Variants in NWD2 observed in about 807,000 individuals in gnomAD.
The protein encoded by NWD2 is NACHT and WD repeat domain-containing protein 2.
A neutral mutation model predicts 132.7 loss-of-function variants in NWD2; 37 were observed. The observed-to-expected ratio is 0.28, with a 90% confidence interval of 0.21 to 0.37. The LOEUF is 0.37. NWD2 is among the 10% of genes least tolerant of loss of function. NWD2 has a pLI of 1.00. For missense variants in NWD2, 1,592 were observed against 2,122.4 expected (o/e 0.75, Z 4.91); for synonymous variants, 705 against 803.0 (o/e 0.88, Z 2.06).
At chr4:37,424,022 T>C (rs984162678) in intron 3 of NWD2, among the ~76,000 whole-genome samples, 11 of 152,166 alleles carry the variant, frequency 7.2e-5, no homozygotes, top group African/African-American at 2.7e-4. Context: ...TCAGGTGGTC[T>C]CACTCCACAG....
At chr4:37,345,799 T>C (rs1182467949) in intron 2 of NWD2, among the ~76,000 whole-genome samples, 2 of 152,146 alleles carry the variant, frequency 1.3e-5, no homozygotes, top group African/African-American at 4.8e-5. Flanking sequence ...GATTTACTCC[T>C]GGCCTGGTGC....
In NWD2 at chr4:37,445,371, G is replaced by C; in HGVS notation, c.3383G>C (p.Gly1128Ala). 1 of 1,552,156 alleles carries C rather than the reference G, an allele frequency of 6.4e-7. No individual in the cohort carries two copies. The highest frequency in any genetic ancestry group is 8.7e-7 in the Non-Finnish European group (1 of 1,147,096). Residue 1128 changes from glycine to alanine, a missense_variant, in exon 7 of 7, where the codon GGG (glycine) becomes GCG (alanine). Physicochemically the swap from Gly to Ala is moderately conservative, Grantham distance 60. This residue lies in a region of NWD2 where 1,071 missense variants were observed against 1,398.0 expected (regional missense o/e 0.77). Transcript: ENST00000309447. The surrounding 1 kb of genome is among the most constrained non-coding windows in gnomAD (Gnocchi z 4.7). ...YLNTTTIFHL[G>A]SGEKLCTVTS... ...AACACAACCACCATATTTCATTTAG[G>C]GAGTGGAGAAAAGTTATGTACAGTG...
chr4:37,318,151 A>G (rs1450261208), intron 1 of NWD2, among the ~76,000 whole-genome samples: 1 of 151,474 alleles, frequency 6.6e-6, no homozygotes, highest in Non-Finnish European at 1.5e-5. Context: ...TCAGCCTCCA[A>G]ATAGCTGGGA....
At chr4:37,357,652 T>C (rs1247793857) in intron 3 of NWD2, among the ~76,000 whole-genome samples, 7 of 151,998 alleles carry the variant, frequency 4.6e-5, no homozygotes, top group African/African-American at 1.7e-4. Flanking sequence ...GAAGATAAAA[T>C]TTTTTGCTTT....
chr4:37,274,766 G>A (rs1035229308), intron 1 of NWD2, among the ~76,000 whole-genome samples: 4 of 152,070 alleles, frequency 2.6e-5, no homozygotes, highest in African/African-American at 9.7e-5. Context: ...GGGATGCAAG[G>A]CTGGTTCAAC....
chr4:37,371,877 AT>A (rs1720235245), intron 3 of NWD2, among the ~76,000 whole-genome samples: 1 of 152,172 alleles, frequency 6.6e-6, no homozygotes, highest in East Asian at 1.9e-4. Context: ...ATATTTTAAC[AT>A]TTTTTTCTAG....
intron 1 of NWD2, among the ~76,000 whole-genome samples, chr4:37,246,198 A>G (rs1717241953): frequency 6.6e-6 from 1 of 152,202 alleles, no homozygotes; most frequent in Non-Finnish European, 1.5e-5. Flanking sequence ...CTTGAGTCGA[A>G]AAGAGTCGAG....
chr4:37,386,755 G>A (rs940748885), intron 3 of NWD2, among the ~76,000 whole-genome samples: 3 of 152,036 alleles, frequency 2.0e-5, no homozygotes, highest in Non-Finnish European at 2.9e-5. Flanking sequence ...GGACCTAGTG[G>A]GAGGTGTTCA....
At chr4:37,277,239 A>G (rs894681210) in intron 1 of NWD2, among the ~76,000 whole-genome samples, 4 of 151,544 alleles carry the variant, frequency 2.6e-5, no homozygotes, top group African/African-American at 9.7e-5. Context: ...CCAGAGTTTT[A>G]CTATGACATG....
intron 3 of NWD2, among the ~76,000 whole-genome samples, chr4:37,397,331 A>G (rs562303908): frequency 1.3e-5 from 2 of 152,248 alleles, no homozygotes; most frequent in Non-Finnish European, 2.9e-5. Context: ...TTGGTCAAAT[A>G]CCAGTCTGTA....
At chr4:37,417,607 G>T (rs1711659551) in intron 3 of NWD2, among the ~76,000 whole-genome samples, 1 of 152,146 alleles carries the variant, frequency 6.6e-6, no homozygotes, top group Non-Finnish European at 1.5e-5. Flanking sequence ...AAATAAGGGA[G>T]CCTGGAGGCC....
intron 1 of NWD2, among the ~76,000 whole-genome samples, chr4:37,273,782 A>C (rs922113987): frequency 2.0e-5 from 3 of 152,176 alleles, no homozygotes; most frequent in African/African-American, 7.2e-5. Context: ...AAACTCACTC[A>C]AAACAGCTCA....
intron 3 of NWD2, among the ~76,000 whole-genome samples, chr4:37,380,243 A>AACCAC (rs1408095888): frequency 1.3e-5 from 2 of 152,236 alleles, no homozygotes; most frequent in African/African-American, 4.8e-5. Flanking sequence ...TTGACGATAA[A>AACCAC]GTCCGGACTC....
rs1224118449 is a variant in NWD2, at chr4:37,443,247, T to C, written c.1297-38T>C. The C allele has an allele frequency of 4.1e-6, 6 of 1,475,750 alleles. No individual in the cohort carries two copies. Among genetic ancestry groups the C allele is most frequent in the African/African-American group, 1.4e-5 (1 of 71,454 alleles). The allele number at this position is 1,475,750 out of a possible 1,614,324, so 91.4% of individuals were successfully genotyped here. ...ATGTTATCACATATGACCATGTGAATACATATTACCATTCTAAACTCCACT... is the reference window on the plus strand; with the variant it reads ...ATGTTATCACATATGACCATGTGAACACATATTACCATTCTAAACTCCACT... On this transcript the variant is annotated intron_variant, in intron 6 of 6. Transcript: ENST00000309447. This position sits in a 1 kb window ranked among gnomAD's most constrained non-coding sequence, Gnocchi z 4.1.
intron 1 of NWD2, among the ~76,000 whole-genome samples, chr4:37,262,140 A>G (rs1717650036): frequency 6.6e-6 from 1 of 152,230 alleles, no homozygotes; most frequent in Admixed American, 6.5e-5. Context: ...AGCATCAGCT[A>G]TGATAAGAAA....
intron 3 of NWD2, among the ~76,000 whole-genome samples, chr4:37,388,887 C>A (rs936719894): frequency 2.0e-5 from 3 of 151,208 alleles, no homozygotes; most frequent in Admixed American, 2.0e-4. Context: ...CCCACGTGCC[C>A]CTCCTCCAGC....
chr4:37,380,237 C>T (rs772335894), intron 3 of NWD2, among the ~76,000 whole-genome samples: 11 of 152,292 alleles, frequency 7.2e-5, no homozygotes, highest in East Asian at 1.9e-4. Context: ...ATCTGTTTGA[C>T]GATAAAGTCC....
At chr4:37,415,423 G>A (rs1386105030) in intron 3 of NWD2, among the ~76,000 whole-genome samples, 1 of 152,158 alleles carries the variant, frequency 6.6e-6, no homozygotes, top group Non-Finnish European at 1.5e-5. Flanking sequence ...AGGCAAAAGA[G>A]GCCAGGCACG....
At chr4:37,412,706 C>G (rs1037129152) in intron 3 of NWD2, among the ~76,000 whole-genome samples, 1 of 152,160 alleles carries the variant, frequency 6.6e-6, no homozygotes, top group Admixed American at 6.5e-5. Flanking sequence ...AAGCTGGAGG[C>G]ATCATGCTAC....
Sources: gnomAD v4.1 joint callset for allele counts (sites outside exome capture counted in the v4.1 genomes callset) on GRCh38, gnomAD v4.1.1 for gene constraint, gnomAD v4.1.1 regional missense constraint, Gnocchi (gnomAD v3.1) non-coding constraint, MANE v1.5 for transcripts, NCBI Gene and HGNC (gene_info 2026-07-23, HGNC 2026-07-21) for gene names.